L3MBTL4: variants seen among roughly 807,000 people sequenced by gnomAD.
L3MBTL4 encodes the protein lethal(3)malignant brain tumor-like protein 4.
A neutral mutation model predicts 84.5 loss-of-function variants in L3MBTL4; 70 were observed. The ratio of observed to expected loss-of-function variants is 0.83; its 90% CI spans 0.68 to 1.01. L3MBTL4 has a LOEUF of 1.01. L3MBTL4 is among the 50% of genes least tolerant of loss of function. L3MBTL4 has a pLI of 0.00. For synonymous variants in L3MBTL4, 274 were observed against 259.8 expected, an observed-to-expected ratio of 1.05 and a Z score of -0.52; for missense variants, 715 against 754.8, an observed-to-expected ratio of 0.95 and a Z score of 0.62.
chr18:6,358,250 A>G (rs979092974), intron 1 of L3MBTL4, among the ~76,000 whole-genome samples: 9 of 152,208 alleles, frequency 5.9e-5, no homozygotes, highest in African/African-American at 2.2e-4. Context: ...ACTTGTGATG[A>G]AAAAGCTTTT....
intron 16 of L3MBTL4, among the ~76,000 whole-genome samples, chr18:6,035,838 C>G (rs755070279): frequency 2.0e-5 from 3 of 152,042 alleles, no homozygotes; most frequent in Admixed American, 6.6e-5. Context: ...CAAGAGAAAG[C>G]AGGAAAGATC....
At chr18:6,207,165 GT>G (rs1300045658) in intron 12 of L3MBTL4, among the ~76,000 whole-genome samples, 6 of 152,180 alleles carry the variant, frequency 3.9e-5, no homozygotes, top group Non-Finnish European at 8.8e-5. Context: ...TCATTTATTT[GT>G]TTATATATTG....
intron 4 of L3MBTL4, among the ~76,000 whole-genome samples, chr18:6,276,418 A>T (rs1009093136): frequency 3.9e-5 from 6 of 152,222 alleles, no homozygotes; most frequent in African/African-American, 1.2e-4. Context: ...TCAAATAAGG[A>T]TAAGATATGG....
At chr18:6,258,388 A>G (rs549646687) in intron 5 of L3MBTL4, among the ~76,000 whole-genome samples, 1 of 152,284 alleles carries the variant, frequency 6.6e-6, no homozygotes, top group East Asian at 1.9e-4. Context: ...TAGGCAGTGA[A>G]TACGCATTAG....
intron 1 of L3MBTL4, among the ~76,000 whole-genome samples, chr18:6,362,210 A>G (rs1021809754): frequency 1.5e-5 from 1 of 64,586 alleles, no homozygotes. Flanking sequence ...GGAGGGAAGG[A>G]GGGAGGGAGG....
At chr18:6,214,785 G>A (rs2145816497) in intron 11 of L3MBTL4, among the ~76,000 whole-genome samples, 1 of 152,286 alleles carries the variant, frequency 6.6e-6, no homozygotes, top group South Asian at 2.1e-4. Context: ...ACATCCCTGA[G>A]CTGAATCCAC....
chr18:6,259,005 C>T (rs2146323441), intron 5 of L3MBTL4, among the ~76,000 whole-genome samples: 1 of 152,166 alleles, frequency 6.6e-6, no homozygotes, highest in East Asian at 1.9e-4. Context: ...CTGGAGTAGG[C>T]TAGGCCTGCC....
intron 16 of L3MBTL4, among the ~76,000 whole-genome samples, chr18:5,974,999 A>C (rs1469923870): frequency 1.3e-5 from 2 of 151,990 alleles, no homozygotes; most frequent in Admixed American, 6.6e-5. Flanking sequence ...GAGGAAGAAT[A>C]TTTTTTAGAA....
At chr18:6,100,772 G>A (rs1205218249) in intron 14 of L3MBTL4, among the ~76,000 whole-genome samples, 12 of 152,192 alleles carry the variant, frequency 7.9e-5, no homozygotes, top group Admixed American at 3.3e-4. Context: ...GGTGGGGAGT[G>A]GGGGAGCAGT....
Position 6,414,858 on chromosome 18 carries a change from C to G in L3MBTL4, c.-148G>C, listed in dbSNP as rs566836446. On this transcript the variant is annotated 5_prime_UTR_variant, in exon 1 of 19. Transcript: ENST00000317931. This position sits in a 1 kb window ranked among gnomAD's most constrained non-coding sequence, Gnocchi z 5.4. ...ACCGAGCTACAGGCGGGGGGCGAGT[C>G]GGAGCGCGAGGTTCCGCCAGCCCAG... 6.7e-6 allele frequency: 1 copy of G among 150,372 alleles called. No homozygotes were observed. Among genetic ancestry groups the G allele is most frequent in the Admixed American group, 6.6e-5 (1 of 15,116 alleles). The allele number at this position is 150,372 out of a possible 1,614,324, so 9.3% of individuals were successfully genotyped here. A position where few individuals can be genotyped will look rare whatever the true frequency, so the allele number is the denominator to read the frequency against.
rs1280539250 is a variant in L3MBTL4, at chr18:5,958,073, G to A, written c.1678-1686C>T. Among the ~76,000 whole-genome samples, 5 of 41,988 alleles carry A rather than the reference G, an allele frequency of 1.2e-4. No individual in the cohort carries two copies. The African/African-American group carries it at 1.5e-3, about 13-fold the overall frequency. The allele number at this position is 41,988 out of a possible 152,430, so 27.5% of individuals were successfully genotyped here. ...AGGAGAAGGAGAAGGAGAAGAAGAA[G>A]AAGAAGAAGAAGAAGAAGAAGAAGA... On this transcript the variant is annotated intron_variant, in intron 18 of 18. Transcript: ENST00000317931.
intron 1 of L3MBTL4, among the ~76,000 whole-genome samples, chr18:6,388,574 G>A (rs1029755596): frequency 1.3e-5 from 2 of 152,154 alleles, no homozygotes; most frequent in African/African-American, 4.8e-5. Flanking sequence ...AAAGAGGAAG[G>A]AAAGGATGAG....
At chr18:6,300,035 T>C (rs749095936) in intron 4 of L3MBTL4, among the ~76,000 whole-genome samples, 1 of 148,558 alleles carries the variant, frequency 6.7e-6, no homozygotes, top group Non-Finnish European at 1.5e-5. Flanking sequence ...CAGTTCTGTG[T>C]GGGGTTTTTG....
chr18:6,031,694 C>G (rs542276907), intron 16 of L3MBTL4: 2 of 984,962 alleles, frequency 2.0e-6, no homozygotes. Flanking sequence ...AGCCCCAGCA[C>G]GGCTTCATGG....
At chr18:6,009,681 G>T (rs1239650496) in intron 16 of L3MBTL4, among the ~76,000 whole-genome samples, 2 of 152,086 alleles carry the variant, frequency 1.3e-5, no homozygotes, top group Non-Finnish European at 2.9e-5. Flanking sequence ...TGCAAATATT[G>T]TACTGTATAG....
At chr18:6,212,552 T>A (rs1477817427) in intron 12 of L3MBTL4, among the ~76,000 whole-genome samples, 1 of 152,226 alleles carries the variant, frequency 6.6e-6, no homozygotes, top group Non-Finnish European at 1.5e-5. Context: ...AAATCTTTAA[T>A]TCAAAATCTA....
At chr18:6,103,473 C>T (rs2058899921) in intron 14 of L3MBTL4, among the ~76,000 whole-genome samples, 1 of 152,066 alleles carries the variant, frequency 6.6e-6, no homozygotes, top group South Asian at 2.1e-4. Context: ...TGTTTTTAAA[C>T]AAAATGTCAC....
chr18:6,178,810 C>T (rs2044336849), intron 12 of L3MBTL4, among the ~76,000 whole-genome samples: 1 of 152,126 alleles, frequency 6.6e-6, no homozygotes, highest in South Asian at 2.1e-4. Context: ...GGCATAAATC[C>T]CACACTTCCA....
chr18:6,217,921 C>T (rs112016296), intron 10 of L3MBTL4, among the ~76,000 whole-genome samples: 5,332 of 152,200 alleles, frequency 0.035, 321 homozygotes, highest in African/African-American at 0.12. Context: ...ATTTTAATCA[C>T]TTTCTAAATG....
Sources: allele counts gnomAD v4.1 joint callset (sites outside exome capture counted in the v4.1 genomes callset), GRCh38; gene constraint gnomAD v4.1.1; non-coding constraint Gnocchi (gnomAD v3.1); transcripts MANE v1.5; gene names NCBI Gene and HGNC (gene_info 2026-07-23, HGNC 2026-07-21).